The following RASGRP3 variants were observed in gnomAD, a reference collection of about 807,000 sequenced individuals.
RASGRP3 encodes the protein ras guanyl-releasing protein 3.
Under a neutral mutation model 82.7 loss-of-function variants are expected in RASGRP3, and 54 were observed. The observed-to-expected ratio is 0.65, with a 90% confidence interval of 0.52 to 0.82. RASGRP3 has a LOEUF of 0.82. Ranked by LOEUF, RASGRP3 falls within the 40% of genes least tolerant of loss-of-function variation. The probability of loss-of-function intolerance (pLI) is 0.00; values close to 1 mark genes in which losing one functional copy is unlikely to be tolerated. For synonymous variants in RASGRP3, 309 were observed against 300.5 expected (o/e 1.03, Z -0.29); for missense variants, 861 against 828.9 (o/e 1.04, Z -0.48).
At chr2:33,528,645 A>G (rs945662189) in intron 10 of RASGRP3, among the ~76,000 whole-genome samples, 6 of 152,208 alleles carry the variant, frequency 3.9e-5, no homozygotes, top group African/African-American at 1.4e-4. Flanking sequence ...CTGCATTGGA[A>G]TAGGAGTGTG....
intron 13 of RASGRP3, among the ~76,000 whole-genome samples, chr2:33,549,047 G>A (rs544832814): frequency 6.6e-4 from 100 of 152,250 alleles, no homozygotes; most frequent in Non-Finnish European, 9.9e-4. Context: ...GGGTAGGAAG[G>A]TGGGAAGGAC....
At chr2:33,547,054 A>AC (rs71409630) in intron 13 of RASGRP3, among the ~76,000 whole-genome samples, 2 of 9,728 alleles carry the variant, frequency 2.1e-4, no homozygotes, top group African/African-American at 7.3e-4. Flanking sequence ...TGTCTCAGGG[A>AC]AAAAAAAAAA....
intron 1 of RASGRP3, among the ~76,000 whole-genome samples, chr2:33,440,424 C>T (rs1438248885): frequency 6.6e-6 from 1 of 152,152 alleles, no homozygotes; most frequent in Non-Finnish European, 1.5e-5. Context: ...ATGGAACCAC[C>T]ATGTGTAGGG....
intron 1 of RASGRP3, among the ~76,000 whole-genome samples, chr2:33,490,926 AT>A (rs1668790912): frequency 6.6e-6 from 1 of 152,238 alleles, no homozygotes; most frequent in Non-Finnish European, 1.5e-5. Flanking sequence ...GTAAAGAATG[AT>A]TTGGATACTG....
intron 17 of RASGRP3, among the ~76,000 whole-genome samples, chr2:33,561,922 T>A (rs945499729): frequency 3.3e-5 from 5 of 152,204 alleles, no homozygotes; most frequent in African/African-American, 1.2e-4. Flanking sequence ...CCTTTAAACT[T>A]CTTCTTTTGT....
chr2:33,557,980 C>T (rs1676190910), intron 15 of RASGRP3, among the ~76,000 whole-genome samples: 1 of 152,130 alleles, frequency 6.6e-6, no homozygotes, highest in Non-Finnish European at 1.5e-5. Context: ...CAATTGCATA[C>T]AGAACCAAGC....
intron 1 of RASGRP3, among the ~76,000 whole-genome samples, chr2:33,490,199 C>T (rs1668731017): frequency 6.6e-6 from 1 of 152,146 alleles, no homozygotes; most frequent in South Asian, 2.1e-4. Context: ...CTATGTTCTC[C>T]TCATCAGTGC....
intron 2 of RASGRP3, among the ~76,000 whole-genome samples, chr2:33,454,121 A>G (rs1649324515): frequency 6.8e-6 from 1 of 148,102 alleles, no homozygotes; most frequent in Admixed American, 6.7e-5. Flanking sequence ...TTGATTTAAC[A>G]CTGATGTCAA....
At chr2:33,522,318 C>T (rs907590616) in intron 7 of RASGRP3, among the ~76,000 whole-genome samples, 1 of 152,136 alleles carries the variant, frequency 6.6e-6, no homozygotes, top group African/African-American at 2.4e-5. Flanking sequence ...TCGCTATTTT[C>T]AATGTCTCCT....
rs58614411 is a variant in RASGRP3, at chr2:33,556,890, T to TACACACACACACAC, written c.1580-1296_1580-1283dup. On this transcript the variant is annotated intron_variant, in intron 15 of 17. Coordinates refer to ENST00000403687, the MANE Select transcript of RASGRP3 (RefSeq NM_001139488.2). The stretch of plus-strand genomic sequence containing the variant: ...TGGTTTCTATCCTCATACCCTAAAA[T>TACACACACACACAC]ACACACACACACACACACACACACA... 8.5e-3 allele frequency among the ~76,000 whole-genome samples: 1,115 copies of TACACACACACACAC among 130,850 alleles called. 12 individuals carry two copies. The highest frequency in any genetic ancestry group is 0.015 in the East Asian group (68 of 4,604). 85.8% of individuals were successfully genotyped at this position (130,850 alleles called of 152,430 possible).
At chr2:33,552,811 G>A (rs983254139) in intron 14 of RASGRP3, among the ~76,000 whole-genome samples, 1 of 152,222 alleles carries the variant, frequency 6.6e-6, no homozygotes, top group Non-Finnish European at 1.5e-5. Flanking sequence ...AGGTCACACA[G>A]ATCATTAGCA....
At chr2:33,517,342 C>A (rs781726122) in intron 4 of RASGRP3, among the ~76,000 whole-genome samples, 1 of 152,156 alleles carries the variant, frequency 6.6e-6, no homozygotes. Context: ...AGAGCCAATG[C>A]TTTTATTATA....
chr2:33,548,818 A>G (rs1482323306), intron 13 of RASGRP3, among the ~76,000 whole-genome samples: 1 of 151,930 alleles, frequency 6.6e-6, no homozygotes, highest in Non-Finnish European at 1.5e-5. Context: ...CCTCCTGAGT[A>G]GCTGGGATTA....
intron 1 of RASGRP3, chr2:33,492,955 C>T (rs1668986769): frequency 6.6e-6 from 1 of 152,266 alleles, no homozygotes; most frequent in Non-Finnish European, 1.5e-5. Context: ...GCCTGGCTCG[C>T]TCTGCCCAGG....
chr2:33,559,629 G>C, intron 17 of RASGRP3: 1 of 518,686 alleles, frequency 1.9e-6, no homozygotes, highest in Non-Finnish European at 3.9e-6. Context: ...ATTGATTCAA[G>C]ATGGAGTTAG....
rs375268472 is a variant in RASGRP3 at position 33,441,302 on chromosome 2, CTG to C, written c.-385+4715_-385+4716del. On this transcript the variant is annotated intron_variant, in intron 1 of 18. Coordinates refer to the RASGRP3 transcript ENST00000402538. ...GTGGCCACTGTTTCATTCTGTATCT[CTG>C]TGTTTTAGGGTTTAAAAAATATTCC... Among the ~76,000 whole-genome samples, 89 of 152,078 alleles carry C rather than the reference CTG, an allele frequency of 5.9e-4. No homozygotes were observed. In the East Asian group the frequency reaches 0.015, roughly 26 times the overall value.
intron 17 of RASGRP3, among the ~76,000 whole-genome samples, chr2:33,560,316 T>C (rs1676504525): frequency 6.6e-6 from 1 of 152,168 alleles, no homozygotes; most frequent in South Asian, 2.1e-4. Flanking sequence ...CCCCCACTGA[T>C]CATCTTGACA....
intron 11 of RASGRP3, among the ~76,000 whole-genome samples, chr2:33,534,700 T>TC (rs1673433027): frequency 6.7e-6 from 1 of 149,810 alleles, no homozygotes; most frequent in Non-Finnish European, 1.5e-5. Flanking sequence ...AGCAATTTTT[T>TC]TTTTTTTTTT....
chr2:33,469,146 T>G (rs1299850181), intron 2 of RASGRP3, among the ~76,000 whole-genome samples: 1 of 151,052 alleles, frequency 6.6e-6, no homozygotes, highest in African/African-American at 2.4e-5. Flanking sequence ...TTATGTTTCT[T>G]CCCTTGTGAA....
Sources: gnomAD v4.1 joint callset for allele counts (sites outside exome capture counted in the v4.1 genomes callset) on GRCh38, gnomAD v4.1.1 for gene constraint, MANE v1.5 for transcripts, NCBI Gene and HGNC (gene_info 2026-07-23, HGNC 2026-07-21) for gene names.